Variants in DNAJC3 observed in about 807,000 individuals in gnomAD.
The protein encoded by DNAJC3 is DnaJ heat shock protein family (Hsp40) member C3, also known as dnaJ homolog subfamily C member 3.
DNAJC3 carries 38 observed loss-of-function variants against 68.6 expected under a neutral mutation model. The observed-to-expected ratio is 0.55, with a 90% CI of 0.43 to 0.73. DNAJC3 has a LOEUF of 0.73. Among genes scored for constraint, DNAJC3 ranks in the 30% least tolerant of loss-of-function variants. DNAJC3 has a pLI of 0.00. For missense variants in DNAJC3, 526 were observed against 591.9 expected, an observed-to-expected ratio of 0.89 and a Z score of 1.16; for synonymous variants, 203 against 204.0, an observed-to-expected ratio of 1.00 and a Z score of 0.04.
chr13:95,734,090 A>G (rs1881807437), intron 4 of DNAJC3, among the ~76,000 whole-genome samples: 2 of 152,086 alleles, frequency 1.3e-5, no homozygotes, highest in Admixed American at 6.5e-5. Flanking sequence ...CTGTAGTGGT[A>G]ACATTTGAAT....
At chr13:95,783,482 T>A (rs1470225583) in intron 9 of DNAJC3, among the ~76,000 whole-genome samples, 1 of 152,202 alleles carries the variant, frequency 6.6e-6, no homozygotes, top group South Asian at 2.1e-4. Flanking sequence ...CTAAGCTATG[T>A]GTTGTGTTAT....
chr13:95,786,128 T>G, intron 10 of DNAJC3, 57 bp downstream of exon 10: 1 of 1,475,338 alleles, frequency 6.8e-7, no homozygotes, highest in Non-Finnish European at 9.1e-7. Context: ...GTTTCAAAGC[T>G]AATCATTGCT....
chr13:95,723,564 T>G (rs1336130465), intron 3 of DNAJC3, among the ~76,000 whole-genome samples, 198 bp downstream of exon 3: 6 of 151,972 alleles, frequency 3.9e-5, no homozygotes, highest in African/African-American at 1.5e-4. Context: ...GCGGGTACAT[T>G]AGATGTTTTT....
At chr13:95,700,483 G>A (rs1299643760) in intron 1 of DNAJC3, among the ~76,000 whole-genome samples, 2 of 152,066 alleles carry the variant, frequency 1.3e-5, no homozygotes, top group African/African-American at 4.8e-5. Flanking sequence ...ATACCAAGAG[G>A]TCCAACAGGC....
chr13:95,720,895 T>A (rs1169577512), intron 2 of DNAJC3, among the ~76,000 whole-genome samples: 1 of 152,216 alleles, frequency 6.6e-6, no homozygotes, highest in Non-Finnish European at 1.5e-5. Flanking sequence ...GTTTTTACTT[T>A]TTTATTGTGG....
At position 95,725,261 on chromosome 13, in the gene DNAJC3, A is replaced by C. The variant is rs1444721862; in HGVS notation, c.393+9A>C. On this transcript the variant is annotated intron_variant, in intron 4 of 11. Coordinates refer to ENST00000602402, the MANE Select transcript of DNAJC3 (RefSeq NM_006260.5). Reference sequence around the variant, plus strand: ...ATGATTTTAAAAAAGTGGTAAGTTCAATATGTATTTGACTCTAGGAAGATG... The same window carrying C: ...ATGATTTTAAAAAAGTGGTAAGTTCCATATGTATTTGACTCTAGGAAGATG... 12 of 1,576,800 alleles carry C rather than the reference A, an allele frequency of 7.6e-6. No individual in the cohort carries two copies. The highest frequency in any genetic ancestry group is 1.4e-5 in the African/African-American group (1 of 73,310).
chr13:95,734,505 T>C (rs1450075571), intron 4 of DNAJC3, among the ~76,000 whole-genome samples: 2 of 152,218 alleles, frequency 1.3e-5, no homozygotes, highest in Non-Finnish European at 2.9e-5. Context: ...GAGAAGTCCT[T>C]TTTGAACTGT....
At position 95,677,246 on chromosome 13, in the gene DNAJC3, G is replaced by A; in HGVS notation, c.-10G>A. 6.2e-7 allele frequency: 1 copy of A among 1,601,478 alleles called. No individual in the cohort carries two copies. The highest frequency in any genetic ancestry group is 8.5e-7 in the Non-Finnish European group (1 of 1,175,142). On this transcript the variant is annotated 5_prime_UTR_variant, in exon 1 of 12. Coordinates refer to ENST00000602402, the MANE Select transcript of DNAJC3 (RefSeq NM_006260.5). ...CACCTTTCCTCCTCTTCACTCGCGA[G>A]CCCTCGGACATGGTGGCCCCCGGCT...
intron 9 of DNAJC3, among the ~76,000 whole-genome samples, chr13:95,781,576 G>A (rs1594027855): frequency 6.6e-6 from 1 of 152,266 alleles, no homozygotes; most frequent in East Asian, 1.9e-4. Flanking sequence ...GTAGGCAAAC[G>A]TGTGTGCTTA....
chr13:95,760,305 A>G, intron 6 of DNAJC3, 84 bp downstream of exon 6: 1 of 1,206,766 alleles, frequency 8.3e-7, no homozygotes, highest in South Asian at 2.4e-5. Context: ...TTTTAATATT[A>G]AATTAATAAG....
At chr13:95,687,756 G>A (rs948800185) in intron 1 of DNAJC3, among the ~76,000 whole-genome samples, 1 of 151,978 alleles carries the variant, frequency 6.6e-6, no homozygotes, top group African/African-American at 2.4e-5. Flanking sequence ...TGGCTATTCA[G>A]GTTCTTTTTT....
chr13:95,779,352 C>T (rs1334672183), intron 9 of DNAJC3, among the ~76,000 whole-genome samples: 1 of 152,034 alleles, frequency 6.6e-6, no homozygotes, highest in East Asian at 1.9e-4. Flanking sequence ...TCTCGATCTC[C>T]TGACCTCGTG....
intron 2 of DNAJC3, among the ~76,000 whole-genome samples, chr13:95,721,640 G>GTTT (rs59951052): frequency 4.7e-4 from 64 of 136,492 alleles, no homozygotes; most frequent in African/African-American, 1.6e-3. Flanking sequence ...CAATGTGTGT[G>GTTT]TTTTTTTTTT....
intron 9 of DNAJC3, among the ~76,000 whole-genome samples, chr13:95,775,481 TAA>T (rs1175390317): frequency 2.6e-5 from 4 of 152,196 alleles, no homozygotes; most frequent in Non-Finnish European, 4.4e-5. Flanking sequence ...GTAATATAAA[TAA>T]GTTTTAATAT....
intron 1 of DNAJC3, among the ~76,000 whole-genome samples, chr13:95,698,101 CT>C (rs60644597): frequency 0.37 from 55,276 of 149,726 alleles, 12,412 homozygotes; most frequent in African/African-American, 0.63. Flanking sequence ...ATTTAAATGG[CT>C]TTTTTTTTTC....
At chr13:95,754,156 A>C (rs1376498731) in intron 4 of DNAJC3, among the ~76,000 whole-genome samples, 1 of 152,230 alleles carries the variant, frequency 6.6e-6, no homozygotes, top group Non-Finnish European at 1.5e-5. Context: ...CATGGCCTAC[A>C]GTCAAGATGT....
chr13:95,688,803 T>G (rs1213429851), intron 1 of DNAJC3, among the ~76,000 whole-genome samples: 3 of 152,066 alleles, frequency 2.0e-5, no homozygotes, highest in African/African-American at 7.2e-5. Context: ...TGCTCAGCCT[T>G]TCTGTATCTA....
rs376987873 is a variant in DNAJC3 at position 95,757,770 on chromosome 13, A to G, written c.520A>G (p.Ile174Val). Reference sequence around the variant, plus strand: ...TGGAAGTGGAGATTATACTGCTGCTATAGCCTTCCTTGATAAGATTTTAGA... The same window carrying G: ...TGGAAGTGGAGATTATACTGCTGCTGTAGCCTTCCTTGATAAGATTTTAGA... ...AFGSGDYTAA[I>V]AFLDKILEVC... is the part of the protein sequence containing the mutation. Residue 174 changes from isoleucine (I) to valine (V), a missense_variant, in exon 5 of 12, where the codon ATA becomes GTA. Physicochemically the swap from Ile to Val is conservative, Grantham distance 29. Coordinates refer to ENST00000602402, the MANE Select transcript of DNAJC3 (RefSeq NM_006260.5). 1.2e-4 allele frequency: 182 copies of G among 1,552,340 alleles called. No homozygotes were observed. The highest frequency in any genetic ancestry group is 1.5e-4 in the Non-Finnish European group (171 of 1,134,154).
chr13:95,683,952 T>G (rs892445087), intron 1 of DNAJC3, among the ~76,000 whole-genome samples: 1 of 110,604 alleles, frequency 9.0e-6, no homozygotes, highest in Non-Finnish European at 1.9e-5. Context: ...AAAAAAAAAA[T>G]TACCCAGTTC....
Sources: gnomAD v4.1 joint callset for allele counts (sites outside exome capture counted in the v4.1 genomes callset) on GRCh38, gnomAD v4.1.1 for gene constraint, MANE v1.5 for transcripts, NCBI Gene and HGNC (gene_info 2026-07-23, HGNC 2026-07-21) for gene names.